The following PKD1 variants were observed in gnomAD, a reference collection of about 807,000 sequenced individuals.
PKD1 encodes the protein polycystin 1, transient receptor potential channel interacting, also known as polycystin-1.
A neutral mutation model predicts 361.7 loss-of-function variants in PKD1; 81 were observed. The observed-to-expected ratio is 0.22, with a 90% CI of 0.19 to 0.27. The LOEUF is 0.27. Ranked by LOEUF, PKD1 falls within the 10% of genes least tolerant of loss-of-function variation. The pLI, the probability that PKD1 is intolerant of heterozygous loss-of-function variation, is 1.00. For missense variants in PKD1, 6,399 were observed against 6,118.3 expected, an observed-to-expected ratio of 1.05 and a Z score of -1.53; for synonymous variants, 3,615 against 2,818.3, an observed-to-expected ratio of 1.28 and a Z score of -8.95.
chr16:2,090,986 C>G lies in PKD1; in HGVS notation c.11901G>C (p.Val3967=). The change falls in exon 43 of 46, where the codon GTG becomes GTC. Residue 3967 remains valine, a synonymous_variant. Coordinates refer to ENST00000262304, the MANE Select transcript of PKD1 (RefSeq NM_001009944.3). Reference sequence around the variant, plus strand: ...TAGTGAAGCGGCGCGGGCGGCCGCGCACGAAACGGGTCCACTGGCGGTCAG... The same window carrying G: ...TAGTGAAGCGGCGCGGGCGGCCGCGGACGAAACGGGTCCACTGGCGGTCAG... ...GAADRQWTRF[V]RGRPRRFTSF... is the part of the protein sequence containing the mutation. 1 of 1,536,536 alleles carries G rather than the reference C, an allele frequency of 6.5e-7. No homozygotes were observed.
In PKD1 at chr16:2,115,082, T is replaced by C. The variant is rs571230712; in HGVS notation, c.2098-157A>G. 53 of 985,048 alleles carry C rather than the reference T, an allele frequency of 5.4e-5. No homozygotes were observed. The African/African-American group carries it at 8.7e-4, about 16-fold the overall frequency. The allele number at this position is 985,048 out of a possible 1,614,324, so 61.0% of individuals were successfully genotyped here. A position where few individuals can be genotyped will look rare whatever the true frequency, so the allele number is the denominator to read the frequency against. ...CTCGTGACAAGGACAGGCAGGACAG[T>C]TGCAGACCGGGGGACACACGGGGAG... On this transcript the variant is annotated intron_variant, in intron 10 of 45. Coordinates refer to ENST00000262304, the MANE Select transcript of PKD1 (RefSeq NM_001009944.3).
intron 34 of PKD1, among the ~76,000 whole-genome samples, chr16:2,095,766 G>A (rs1441578831): frequency 6.6e-6 from 1 of 152,222 alleles, no homozygotes; most frequent in East Asian, 1.9e-4. Context: ...GGGAGGGTGA[G>A]GGCCACGCGC....
In PKD1 at chr16:2,097,777, C is replaced by T. The variant is rs2091906125; in HGVS notation, c.10171G>A (p.Ala3391Thr). Residue 3391 changes from alanine (A) to threonine (T), a missense_variant, in exon 32 of 46, where the codon GCC becomes ACC. Ala to Thr is a moderately conservative substitution (Grantham distance 58, BLOSUM62 0). Coordinates refer to ENST00000262304, the MANE Select transcript of PKD1 (RefSeq NM_001009944.3). ...TCACTCTTCATCTGTCCAACAAAGG[C>T]CTGCTGAGAGGTGCACAGTGTCTTG... ...LTFSGLHAEQ[A>T]FVGQMKSDLF... 1 of 1,611,448 alleles carries T rather than the reference C, an allele frequency of 6.2e-7. No homozygotes were observed. The highest frequency in any genetic ancestry group is 1.7e-5 in the Admixed American group (1 of 60,018).
intron 1 of PKD1, among the ~76,000 whole-genome samples, chr16:2,127,899 A>C (rs942868250): frequency 7.7e-6 from 1 of 130,632 alleles, no homozygotes; most frequent in Non-Finnish European, 1.6e-5. Flanking sequence ...AGCAGGGATG[A>C]GCCAGGGAGG....
At chr16:2,108,088 CAGAGCCCGGCCCAGGAGACAGCGCGGG>C (rs1184858541) in intron 15 of PKD1, 56 bp from the exon 16 acceptor site, 22 of 1,580,560 alleles carry the variant, frequency 1.4e-5, no homozygotes, top group Admixed American at 1.8e-5. Context: ...AGTTTTAAAG[CAGAGCCCGGCCCAGGAGACAGCGCGGG>C]AGACCCCCTC....
chr16:2,100,360 G>A lies in PKD1; in HGVS notation c.9568+36C>T, dbSNP rs373119091. ...GGCTCGCAGGGCGCCCCAATGCGGG[G>A]GCAGAGGGGCAGAGCTTGGCAGGGT... On this transcript the variant is annotated intron_variant, in intron 27 of 45. Coordinates refer to ENST00000262304, the MANE Select transcript of PKD1 (RefSeq NM_001009944.3). The surrounding 1 kb of genome is among the most constrained non-coding windows in gnomAD (Gnocchi z 4.4). 4 of 1,610,090 alleles carry A rather than the reference G, an allele frequency of 2.5e-6. No individual in the cohort carries two copies. The African/African-American group carries it at 4.0e-5, about 16-fold the overall frequency.
At position 2,091,548 on chromosome 16, in the gene PKD1, G is replaced by T. The variant is rs1312694298; in HGVS notation, c.11587C>A (p.Leu3863Met). Residue 3863 changes from leucine to methionine, a missense_variant, in exon 42 of 46, where the codon CTG becomes ATG. Coordinates refer to ENST00000262304, the MANE Select transcript of PKD1 (RefSeq NM_001009944.3). ...ELTRYSPAVG[L>M]HAAVTLRLEF... ...AGGCGCAGCGTGACGGCGGCGTGCAGCCCCACGGCCGGGCTGTAGCGCGTG... is the reference window on the plus strand; with the variant it reads ...AGGCGCAGCGTGACGGCGGCGTGCATCCCCACGGCCGGGCTGTAGCGCGTG... 6 of 1,524,826 alleles carry T rather than the reference G, an allele frequency of 3.9e-6. No homozygotes were observed. The highest frequency in any genetic ancestry group is 5.2e-6 in the Non-Finnish European group (6 of 1,148,800). 94.5% of individuals were successfully genotyped at this position (1,524,826 alleles called of 1,614,324 possible). A position where few individuals can be genotyped will look rare whatever the true frequency, so the allele number is the denominator to read the frequency against.
rs2092198032 is a variant in PKD1 at position 2,103,625 on chromosome 16, G to T, written c.8432C>A (p.Ala2811Asp). ...GPGCHFSIPE[A>D]FSGALANLSD... Reference sequence around the variant, plus strand: ...GAGGTTGGCCAGGGCCCCGCTGAAAGCCTCGGGGATGGAGAAGTGGCAGCC... The same window carrying T: ...GAGGTTGGCCAGGGCCCCGCTGAAATCCTCGGGGATGGAGAAGTGGCAGCC... The change falls in exon 23 of 46, where the codon GCT becomes GAT. Residue 2811 changes from alanine (A) to aspartate (D), a missense_variant. Transcript: ENST00000262304. 2 of 1,610,394 alleles carry T rather than the reference G, an allele frequency of 1.2e-6. No individual in the cohort carries two copies. The highest frequency in any genetic ancestry group is 2.2e-5 in the East Asian group (1 of 44,860).
At chr16:2,120,183 G>C (rs1393000813) in intron 1 of PKD1, 1 of 361,496 alleles carries the variant, frequency 2.8e-6, no homozygotes, top group Admixed American at 4.3e-5. Context: ...CTGTACTCCA[G>C]CCTGGGTGAA....
chr16:2,112,814 C>T lies in PKD1; in HGVS notation c.3135G>A (p.Val1045=). Residue 1045 remains valine, a synonymous_variant, in exon 13 of 46, where the codon GTG becomes GTA. Coordinates refer to ENST00000262304, the MANE Select transcript of PKD1 (RefSeq NM_001009944.3). ...ATLALTAGVL[V]DSAVEVAFLW... is the part of the protein sequence containing the mutation. ...GGAAGGCCACCTCCACGGCCGAGTC[C>T]ACCAGCACGCCCGCCGTCAGTGCTA... 6.3e-7 allele frequency: 1 copy of T among 1,599,558 alleles called. No homozygotes were observed. Among genetic ancestry groups the T allele is most frequent in the South Asian group, 1.1e-5 (1 of 90,984 alleles).
At chr16:2,115,010 G>C in intron 10 of PKD1, 85 bp from the exon 11 acceptor site, 1 of 1,515,880 alleles carries the variant, frequency 6.6e-7, no homozygotes, top group Non-Finnish European at 8.8e-7. Context: ...TGGACACGCA[G>C]GGCTCCCCGC....
rs149671582 is a variant in PKD1 at position 2,110,204 on chromosome 16, C to T, written c.4963G>A (p.Val1655Met). The T allele has an allele frequency of 3.8e-5, 62 of 1,611,710 alleles. No homozygotes were observed. Among genetic ancestry groups the T allele is most frequent in the Middle Eastern group, 1.9e-4 (1 of 5,356 alleles). Reference protein sequence around the residue: ...PTNHTVQLQAVVRDGTNVSYS... With the variant: ...PTNHTVQLQAMVRDGTNVSYS... ...GAGACGTTGGTGCCATCCCTAACCA[C>T]GGCCTGCAGCTGTACCGTGTGGTTG... The change falls in exon 15 of 46, where the codon GTG becomes ATG. Residue 1655 changes from valine to methionine, a missense_variant. Coordinates refer to ENST00000262304, the MANE Select transcript of PKD1 (RefSeq NM_001009944.3).
rs146243410 is a variant in PKD1, at chr16:2,111,441, C to T, written c.3726G>A (p.Thr1242=). ...SAAVQTGDNI[T]WTFDMGDGTV... ...TGCCGTCCCCCATGTCGAAGGTCCA[C>T]GTGATGTTGTCGCCCGTCTGCACCG... is the stretch of plus-strand genomic sequence containing the variant. The change falls in exon 15 of 46, where the codon ACG becomes ACA. Residue 1242 remains threonine, a synonymous_variant. Transcript: ENST00000262304. 3.3e-4 allele frequency: 528 copies of T among 1,611,904 alleles called. 7 individuals are homozygous for T. In the South Asian group the frequency reaches 4.5e-3, roughly 14 times the overall value.
Position 2,088,897 on chromosome 16 carries a change from A to ACACC in PKD1, c.*829_*830insGGTG. ...TGCGCGCGCGCACACACACACACAC[A>ACACC]CAGTCACCTTCCTCCACCCTGGGAG... On this transcript the variant is annotated 3_prime_UTR_variant, in exon 46 of 46. Transcript: ENST00000262304. 2.3e-6 allele frequency: 1 copy of ACACC among 426,030 alleles called. No homozygotes were observed. Among genetic ancestry groups the ACACC allele is most frequent in the Non-Finnish European group, 4.3e-6 (1 of 231,104 alleles). The allele number at this position is 426,030 out of a possible 1,614,324, so 26.4% of individuals were successfully genotyped here.
At chr16:2,092,730 T>G in intron 38 of PKD1, 138 bp from the exon 39 acceptor site, 1 of 840,778 alleles carries the variant, frequency 1.2e-6, no homozygotes, top group Non-Finnish European at 2.0e-6. Context: ...AGCCTTATCC[T>G]GGGGATGTTC....
intron 42 of PKD1, 50 bp downstream of exon 42, chr16:2,091,373 G>A (rs1424058857): frequency 4.8e-6 from 5 of 1,033,352 alleles, no homozygotes; most frequent in Middle Eastern, 4.3e-4. Context: ...CCGCGAGGGG[G>A]CGGGACGCTG....
rs1260653228 is a variant in PKD1 at position 2,114,569 on chromosome 16, G to A, written c.2454C>T (p.Val818=). 10 of 1,594,312 alleles carry A rather than the reference G, an allele frequency of 6.3e-6. No homozygotes were observed. The Admixed American group carries it at 1.5e-4, about 24-fold the overall frequency. Reference sequence around the variant, plus strand: ...TGACCCGCAGCCCAGCCACTGGGGAGACCACGTCAAAGCTGCAGGAGAGGT... The same window carrying A: ...TGACCCGCAGCCCAGCCACTGGGGAAACCACGTCAAAGCTGCAGGAGAGGT... ...RHNLSCSFDV[V]SPVAGLRVIY... Residue 818 remains valine, a synonymous_variant, in exon 11 of 46, where the codon GTC becomes GTT. Coordinates refer to ENST00000262304, the MANE Select transcript of PKD1 (RefSeq NM_001009944.3).
At chr16:2,127,587 G>A (rs2092815050) in intron 1 of PKD1, among the ~76,000 whole-genome samples, 1 of 152,080 alleles carries the variant, frequency 6.6e-6, no homozygotes, top group African/African-American at 2.4e-5. Context: ...AGTGCATGGA[G>A]GACAGGGGAA....
chr16:2,111,932 G>A, intron 14 of PKD1, 61 bp from the exon 15 acceptor site: 2 of 1,580,182 alleles, frequency 1.3e-6, no homozygotes, highest in South Asian at 1.1e-5. Context: ...CACCCGCTCG[G>A]CAGAAGCCCC....
Sources: allele counts gnomAD v4.1 joint callset (sites outside exome capture counted in the v4.1 genomes callset), GRCh38; gene constraint gnomAD v4.1.1; non-coding constraint Gnocchi (gnomAD v3.1); transcripts MANE v1.5; gene names NCBI Gene and HGNC (gene_info 2026-07-23, HGNC 2026-07-21).